SHISA2: variants seen among roughly 807,000 people sequenced by gnomAD.
The protein encoded by SHISA2 is shisa family member 2, also known as protein shisa-2 homolog.
A neutral mutation model predicts 23.8 loss-of-function variants in SHISA2; 16 were observed. That is an observed-to-expected ratio of 0.67 (90% CI 0.46 to 1.02). SHISA2 has a LOEUF of 1.02. Among genes scored for constraint, SHISA2 ranks in the 50% least tolerant of loss-of-function variants. The pLI is 0.00. For missense variants in SHISA2, 459 were observed against 420.1 expected (o/e 1.09, Z -0.81); for synonymous variants, 201 against 178.6 (o/e 1.13, Z -1.00).
intron 1 of SHISA2, among the ~76,000 whole-genome samples, chr13:26,049,502 T>C (rs1957286372): frequency 6.6e-6 from 1 of 152,194 alleles, no homozygotes; most frequent in South Asian, 2.1e-4. Context: ...CTCCCTTCTC[T>C]GGGCTTTCTT....
chr13:26,046,410 G>C lies in SHISA2; in HGVS notation c.*103C>G. 8.2e-7 allele frequency: 1 copy of C among 1,222,034 alleles called. No homozygotes were observed. Among genetic ancestry groups the C allele is most frequent in the Non-Finnish European group, 1.1e-6 (1 of 893,470 alleles). The allele number at this position is 1,222,034 out of a possible 1,614,324, so 75.7% of individuals were successfully genotyped here. A position where few individuals can be genotyped will look rare whatever the true frequency, so the allele number is the denominator to read the frequency against. On this transcript the variant is annotated 3_prime_UTR_variant, in exon 2 of 2. Coordinates refer to ENST00000319420, the MANE Select transcript of SHISA2 (RefSeq NM_001007538.2). Reference sequence around the variant, plus strand: ...CTGGGGGCAAATGAAGCCATCCAAAGGAATCGTGCCATAAATACCACCGAC... The same window carrying C: ...CTGGGGGCAAATGAAGCCATCCAAACGAATCGTGCCATAAATACCACCGAC...
At position 26,051,070 on chromosome 13, in the gene SHISA2, C is replaced by T; in HGVS notation, c.-95G>A. 8.5e-7 allele frequency: 1 copy of T among 1,181,544 alleles called. No individual in the cohort carries two copies. The highest frequency in any genetic ancestry group is 1.1e-6 in the Non-Finnish European group (1 of 890,096). The allele number at this position is 1,181,544 out of a possible 1,614,324, so 73.2% of individuals were successfully genotyped here. A position where few individuals can be genotyped will look rare whatever the true frequency, so the allele number is the denominator to read the frequency against. On this transcript the variant is annotated 5_prime_UTR_variant, in exon 1 of 2. Coordinates refer to ENST00000319420, the MANE Select transcript of SHISA2 (RefSeq NM_001007538.2). ...GGCGACCCCCGGGCCTCGTCACTGACTGTCCCGCGGCGCTTTCCGCGCGGG... is the reference window on the plus strand; with the variant it reads ...GGCGACCCCCGGGCCTCGTCACTGATTGTCCCGCGGCGCTTTCCGCGCGGG...
At chr13:26,047,568 T>C (rs928634360) in intron 1 of SHISA2, among the ~76,000 whole-genome samples, 12 of 152,344 alleles carry the variant, frequency 7.9e-5, no homozygotes, top group African/African-American at 2.9e-4. Context: ...AAGTTCTTTT[T>C]TCATAAGCAG....
chr13:26,049,487 TCTGGC>T (rs1957286319), intron 1 of SHISA2, among the ~76,000 whole-genome samples: 1 of 152,098 alleles, frequency 6.6e-6, no homozygotes, highest in Non-Finnish European at 1.5e-5. Context: ...CAGTTCGGGG[TCTGGC>T]TCCCTTCTCT....
rs1957264393 is a variant in SHISA2 at position 26,046,073 on chromosome 13, C to T, written c.*440G>A. Reference sequence around the variant, plus strand: ...CCAGCCTGGGCAACAGAGCAAGACCCTGTCTGATTAAAAAAAAAAAAAAAA... The same window carrying T: ...CCAGCCTGGGCAACAGAGCAAGACCTTGTCTGATTAAAAAAAAAAAAAAAA... On this transcript the variant is annotated 3_prime_UTR_variant, in exon 2 of 2. Transcript: ENST00000319420. 1 of 136,834 alleles carries T rather than the reference C, an allele frequency of 7.3e-6. No individual in the cohort carries two copies. Among genetic ancestry groups the T allele is most frequent in the Non-Finnish European group, 1.5e-5 (1 of 67,022 alleles). 8.5% of individuals were successfully genotyped at this position (136,834 alleles called of 1,614,324 possible).
rs1333053151 is a variant in SHISA2, at chr13:26,046,507, T to C, written c.*6A>G. ...TTCAGTAAAGGAACCCACCAGTGAC[T>C]CTCGGTTATACAGTCACCGCTGGGT... On this transcript the variant is annotated 3_prime_UTR_variant, in exon 2 of 2. Coordinates refer to ENST00000319420, the MANE Select transcript of SHISA2 (RefSeq NM_001007538.2). 2 of 1,577,830 alleles carry C rather than the reference T, an allele frequency of 1.3e-6. No homozygotes were observed. Among genetic ancestry groups the C allele is most frequent in the South Asian group, 2.3e-5 (2 of 86,198 alleles).
chr13:26,049,937 C>T (rs545372916), intron 1 of SHISA2, among the ~76,000 whole-genome samples: 1 of 151,386 alleles, frequency 6.6e-6, no homozygotes, highest in East Asian at 2.0e-4. Context: ...GGAGGCATTC[C>T]GGAAGGTTTC....
rs1957294701 is a variant in SHISA2 at position 26,050,536 on chromosome 13, T to C, written c.334+106A>G. On this transcript the variant is annotated intron_variant, in intron 1 of 1. Transcript: ENST00000319420. The stretch of plus-strand genomic sequence containing the variant: ...AAGCCAGAAGGCAGACTCCGCCTCC[T>C]GGTCCTAGGCCCTTTCCTGAATTTC... 14 of 1,168,644 alleles carry C rather than the reference T, an allele frequency of 1.2e-5. No individual in the cohort carries two copies. In the South Asian group the frequency reaches 2.3e-4, roughly 20 times the overall value. The allele number at this position is 1,168,644 out of a possible 1,614,324, so 72.4% of individuals were successfully genotyped here.
In SHISA2 at chr13:26,052,011, G is replaced by C. The variant is rs1245870723; in HGVS notation, c.-1036C>G. Among the ~76,000 whole-genome samples the C allele has an allele frequency of 6.6e-6, 1 of 151,788 alleles. No homozygotes were observed. The highest frequency in any genetic ancestry group is 2.0e-4 in the East Asian group (1 of 5,118). ...CCCCGCCCGGCGCCAGACCAGCTCC[G>C]ACTCCGCTCGCTGCCGCGCTGAGCC... On this transcript the variant is annotated 5_prime_UTR_variant, in exon 1 of 2. Transcript: ENST00000319420.
rs1957254978 is a variant in SHISA2, at chr13:26,044,654, TA to T, written c.*1858del. The T allele has an allele frequency of 6.6e-6, 1 of 152,216 alleles. No homozygotes were observed. The highest frequency in any genetic ancestry group is 6.5e-5 in the Admixed American group (1 of 15,284). 9.4% of individuals were successfully genotyped at this position (152,216 alleles called of 1,614,324 possible). A position where few individuals can be genotyped will look rare whatever the true frequency, so the allele number is the denominator to read the frequency against. Reference sequence around the variant, plus strand: ...ATGATTTTCCCCTGCCTTTGGTTATTAAAAAATGAGTATCATTGATGATACC... The same window carrying T: ...ATGATTTTCCCCTGCCTTTGGTTATTAAAAATGAGTATCATTGATGATACC... On this transcript the variant is annotated 3_prime_UTR_variant, in exon 2 of 2. Coordinates refer to ENST00000319420, the MANE Select transcript of SHISA2 (RefSeq NM_001007538.2).
At position 26,046,195 on chromosome 13, in the gene SHISA2, CTTAAT is replaced by C; in HGVS notation, c.*313_*317del. ...TAATAATAACAACATAATAAAAATC[CTTAAT>C]TTATCAGTTTATAAAATTCTTTCGT... On this transcript the variant is annotated 3_prime_UTR_variant, in exon 2 of 2. Transcript: ENST00000319420. 4.8e-6 allele frequency: 1 copy of C among 209,622 alleles called. No homozygotes were observed. The highest frequency in any genetic ancestry group is 1.5e-4 in the South Asian group (1 of 6,482). The allele number at this position is 209,622 out of a possible 1,614,324, so 13.0% of individuals were successfully genotyped here. A position where few individuals can be genotyped will look rare whatever the true frequency, so the allele number is the denominator to read the frequency against.
intron 1 of SHISA2, among the ~76,000 whole-genome samples, chr13:26,048,350 A>G (rs962617417): frequency 7.9e-5 from 12 of 152,198 alleles, no homozygotes; most frequent in Non-Finnish European, 1.5e-4. Context: ...AAAATCTTTT[A>G]GGAGCCATAG....
At chr13:26,050,435 A>C (rs1254915446) in intron 1 of SHISA2, among the ~76,000 whole-genome samples, 1 of 152,190 alleles carries the variant, frequency 6.6e-6, no homozygotes, top group Non-Finnish European at 1.5e-5. Context: ...AATTAACTCT[A>C]AGCCACCCTT....
rs192580834 is a variant in SHISA2, at chr13:26,051,224, T to C, written c.-249A>G. Among the ~76,000 whole-genome samples, 80 of 152,320 alleles carry C rather than the reference T, an allele frequency of 5.3e-4. No homozygotes were observed. Among genetic ancestry groups the C allele is most frequent in the African/African-American group, 1.9e-3 (78 of 41,590 alleles). On this transcript the variant is annotated 5_prime_UTR_variant, in exon 1 of 2. Coordinates refer to ENST00000319420, the MANE Select transcript of SHISA2 (RefSeq NM_001007538.2). The stretch of plus-strand genomic sequence containing the variant: ...GGACTGCCTTATGAGTTGCACTCGC[T>C]GATGGAAATCTCGGGATGCAGTCAG...
intron 1 of SHISA2, among the ~76,000 whole-genome samples, chr13:26,049,264 C>A (rs531693543): frequency 1.1e-4 from 17 of 152,302 alleles, no homozygotes; most frequent in Admixed American, 4.6e-4. Flanking sequence ...CCCCGGCAGG[C>A]TTAATTAGGC....
chr13:26,048,247 A>T (rs553389798), intron 1 of SHISA2, among the ~76,000 whole-genome samples: 1 of 152,148 alleles, frequency 6.6e-6, no homozygotes, highest in Non-Finnish European at 1.5e-5. Flanking sequence ...AAGTTGCAGT[A>T]AGCCGAGATT....
At chr13:26,050,565 C>T in intron 1 of SHISA2, 77 bp downstream of exon 1, 3 of 1,317,904 alleles carry the variant, frequency 2.3e-6, no homozygotes, top group Non-Finnish European at 2.9e-6. Flanking sequence ...GAATTTCCCC[C>T]CTTCAAACTC....
In SHISA2 at chr13:26,046,310, T is replaced by C; in HGVS notation, c.*203A>G. The C allele has an allele frequency of 5.1e-6, 3 of 587,614 alleles. No homozygotes were observed. Among genetic ancestry groups the C allele is most frequent in the Non-Finnish European group, 8.6e-6 (3 of 349,986 alleles). The allele number at this position is 587,614 out of a possible 1,614,324, so 36.4% of individuals were successfully genotyped here. ...CACAGTCATCTCCAGCTGAGGCCGG[T>C]TTTCCATCATAAATCAATGATACCC... On this transcript the variant is annotated 3_prime_UTR_variant, in exon 2 of 2. Coordinates refer to ENST00000319420, the MANE Select transcript of SHISA2 (RefSeq NM_001007538.2).
chr13:26,050,623 T>A lies in SHISA2; in HGVS notation c.334+19A>T, dbSNP rs1957295584. 1 of 1,386,744 alleles carries A rather than the reference T, an allele frequency of 7.2e-7. No homozygotes were observed. Among genetic ancestry groups the A allele is most frequent in the African/African-American group, 1.5e-5 (1 of 65,372 alleles). 85.9% of individuals were successfully genotyped at this position (1,386,744 alleles called of 1,614,324 possible). On this transcript the variant is annotated intron_variant, in intron 1 of 1. Transcript: ENST00000319420. Reference sequence around the variant, plus strand: ...ACGCCAACCGTCCTCCCTTTCGCGCTGGGCGCAGGCCGCCCTACCTGCCGA... The same window carrying A: ...ACGCCAACCGTCCTCCCTTTCGCGCAGGGCGCAGGCCGCCCTACCTGCCGA...
Sources: gnomAD v4.1 joint callset for allele counts (sites outside exome capture counted in the v4.1 genomes callset) on GRCh38, gnomAD v4.1.1 for gene constraint, MANE v1.5 for transcripts, NCBI Gene and HGNC (gene_info 2026-07-23, HGNC 2026-07-21) for gene names.